Variants in SMYD2 observed in about 807,000 individuals in gnomAD.
The protein encoded by SMYD2 is N-lysine methyltransferase SMYD2.
In SMYD2, 53 loss-of-function variants were observed where a neutral mutation model predicts 59.1. The ratio of observed to expected loss-of-function variants is 0.90; its 90% CI spans 0.72 to 1.13. The LOEUF (loss-of-function observed/expected upper bound fraction) is 1.13. Among genes scored for constraint, SMYD2 ranks in the 50% most tolerant of loss-of-function variants. SMYD2 has a pLI of 0.00. For missense variants in SMYD2, 494 were observed against 544.7 expected (o/e 0.91, Z 0.93); for synonymous variants, 208 against 198.8 (o/e 1.05, Z -0.39).
At chr1:214,328,115 CTTATT>C (rs1175299109) in intron 7 of SMYD2, among the ~76,000 whole-genome samples, 2 of 152,202 alleles carry the variant, frequency 1.3e-5, no homozygotes, top group East Asian at 1.9e-4. Context: ...GAGCTTGAGC[CTTATT>C]TTATTTTATT....
intron 5 of SMYD2, among the ~76,000 whole-genome samples, chr1:214,323,372 C>T (rs2102473764): frequency 6.6e-6 from 1 of 152,236 alleles, no homozygotes. Flanking sequence ...TCATTTTCAG[C>T]CTGCTTGTTC....
At chr1:214,300,883 G>A (rs1032317523) in intron 1 of SMYD2, among the ~76,000 whole-genome samples, 4 of 152,166 alleles carry the variant, frequency 2.6e-5, no homozygotes, top group African/African-American at 7.2e-5. Flanking sequence ...CAAACTTTCT[G>A]GTTTCAGGGT....
At position 214,305,266 on chromosome 1, in the gene SMYD2, T is replaced by C. The variant is rs1656898438; in HGVS notation, c.237+16T>C. On this transcript the variant is annotated intron_variant, in intron 2 of 11. Coordinates refer to ENST00000366957, the MANE Select transcript of SMYD2 (RefSeq NM_020197.3). ...GGAGTGTCAGGTAGGTGCTGGGCCATTGGCAGGGAGGGCCTAATTTCCTCT... is the reference window on the plus strand; with the variant it reads ...GGAGTGTCAGGTAGGTGCTGGGCCACTGGCAGGGAGGGCCTAATTTCCTCT... 6.2e-7 allele frequency: 1 copy of C among 1,613,380 alleles called. No homozygotes were observed. The highest frequency in any genetic ancestry group is 8.5e-7 in the Non-Finnish European group (1 of 1,179,306).
intron 5 of SMYD2, 101 bp from the exon 6 acceptor site, chr1:214,324,540 C>T: frequency 1.9e-6 from 2 of 1,051,096 alleles, no homozygotes; most frequent in Admixed American, 2.3e-5. Context: ...TACACCAAAA[C>T]ATCTTCCTAA....
intron 1 of SMYD2, among the ~76,000 whole-genome samples, chr1:214,296,838 G>T (rs976674319): frequency 6.6e-6 from 1 of 152,180 alleles, no homozygotes; most frequent in Non-Finnish European, 1.5e-5. Context: ...TGTGAGACAG[G>T]AATCAAGAAG....
At chr1:214,316,162 C>G (rs1657081841) in intron 3 of SMYD2, among the ~76,000 whole-genome samples, 1 of 152,110 alleles carries the variant, frequency 6.6e-6, no homozygotes, top group South Asian at 2.1e-4. Context: ...GGCCTCTGGA[C>G]TATAAATCTT....
At chr1:214,290,097 G>A (rs897790937) in intron 1 of SMYD2, among the ~76,000 whole-genome samples, 11 of 152,130 alleles carry the variant, frequency 7.2e-5, no homozygotes, top group Non-Finnish European at 1.3e-4. Context: ...GCCACCCTCC[G>A]CGGCTTCCTA....
In SMYD2 at chr1:214,312,994, A is replaced by G. The variant is rs1657022421; in HGVS notation, c.238-1768A>G. Among the ~76,000 whole-genome samples the G allele has an allele frequency of 6.6e-6, 1 of 152,202 alleles. No individual in the cohort carries two copies. The highest frequency in any genetic ancestry group is 6.5e-5 in the Admixed American group (1 of 15,278). ...AGATGTTGGGGCTGCAGCCGGGTAG[A>G]AAGGTTGTGGAGCTAAGAAGTGATC... On this transcript the variant is annotated intron_variant, in intron 2 of 11. Coordinates refer to ENST00000366957, the MANE Select transcript of SMYD2 (RefSeq NM_020197.3). The surrounding 1 kb of genome is among the most constrained non-coding windows in gnomAD (Gnocchi z 4.1).
chr1:214,281,628 A>G (rs1427105893), intron 1 of SMYD2, among the ~76,000 whole-genome samples: 6 of 152,126 alleles, frequency 3.9e-5, no homozygotes, highest in Non-Finnish European at 7.4e-5. Context: ...GCGAGAGGAA[A>G]CAGGACCGGT....
chr1:214,297,368 A>G (rs547536343), intron 1 of SMYD2, among the ~76,000 whole-genome samples: 124 of 151,768 alleles, frequency 8.2e-4, no homozygotes, highest in African/African-American at 2.9e-3. Flanking sequence ...GTCTTTTCCC[A>G]GACTTCCTGA....
intron 6 of SMYD2, among the ~76,000 whole-genome samples, chr1:214,326,464 A>G (rs1176127971): frequency 3.3e-5 from 5 of 152,024 alleles, no homozygotes; most frequent in Non-Finnish European, 7.4e-5. Context: ...CCTTCGATGC[A>G]TTTGTTTATT....
chr1:214,286,208 G>A (rs927275373), intron 1 of SMYD2, among the ~76,000 whole-genome samples: 4 of 152,172 alleles, frequency 2.6e-5, no homozygotes, highest in Admixed American at 6.5e-5. Flanking sequence ...TGCCAGTGCC[G>A]TTAATCCCAG....
intron 11 of SMYD2, among the ~76,000 whole-genome samples, chr1:214,335,189 A>G (rs1011085873): frequency 7.9e-5 from 12 of 152,200 alleles, no homozygotes; most frequent in Non-Finnish European, 1.8e-4. Context: ...ACCTTCTCCA[A>G]AGTTTCCCAA....
Position 214,318,811 on chromosome 1 carries a change from G to T in SMYD2, c.410-48G>T. On this transcript the variant is annotated intron_variant, in intron 4 of 11. Coordinates refer to ENST00000366957, the MANE Select transcript of SMYD2 (RefSeq NM_020197.3). This position sits in a 1 kb window ranked among gnomAD's most constrained non-coding sequence, Gnocchi z 5.4. ...TTACAGCAAAAATAGGATGTAGCTA[G>T]AAATCCCACGCTTTCTACTGGGTGA... 1 of 1,596,944 alleles carries T rather than the reference G, an allele frequency of 6.3e-7. No individual in the cohort carries two copies. The highest frequency in any genetic ancestry group is 1.1e-5 in the South Asian group (1 of 88,936).
intron 1 of SMYD2, among the ~76,000 whole-genome samples, chr1:214,284,131 T>C (rs927906781): frequency 1.4e-4 from 21 of 152,062 alleles, no homozygotes; most frequent in Non-Finnish European, 2.9e-4. Flanking sequence ...CCTAATAATA[T>C]TATATAAAGT....
chr1:214,311,464 C>G (rs1656998130), intron 2 of SMYD2, among the ~76,000 whole-genome samples: 2 of 152,132 alleles, frequency 1.3e-5, no homozygotes, highest in South Asian at 4.1e-4. Context: ...TATTTACAGC[C>G]AGGGAGACAG....
At chr1:214,333,626 TG>T (rs1218633189) in intron 10 of SMYD2, 4 of 152,690 alleles carry the variant, frequency 2.6e-5, no homozygotes, top group Non-Finnish European at 5.8e-5. Flanking sequence ...GAACACTTGC[TG>T]TATCTAAAGC....
chr1:214,327,496 CTATT>C, intron 6 of SMYD2, 122 bp from the exon 7 acceptor site: 1 of 733,216 alleles, frequency 1.4e-6, no homozygotes. Context: ...TGATAGCCAA[CTATT>C]AGATTTTTAA....
chr1:214,298,706 A>C (rs1358686824), intron 1 of SMYD2, among the ~76,000 whole-genome samples: 1 of 152,204 alleles, frequency 6.6e-6, no homozygotes, highest in African/African-American at 2.4e-5. Context: ...AAAAACAAGT[A>C]ACCCCGTTAA....
Sources: gnomAD v4.1 joint callset for allele counts (sites outside exome capture counted in the v4.1 genomes callset) on GRCh38, gnomAD v4.1.1 for gene constraint, Gnocchi (gnomAD v3.1) non-coding constraint, MANE v1.5 for transcripts, NCBI Gene and HGNC (gene_info 2026-07-23, HGNC 2026-07-21) for gene names.